Variants in SIGLEC15 observed in about 807,000 individuals in gnomAD.
SIGLEC15 encodes sialic acid binding Ig like lectin 15.
Under a neutral mutation model 26.2 loss-of-function variants are expected in SIGLEC15, and 31 were observed. The observed-to-expected ratio is 1.18, with a 90% CI of 0.89 to 1.60. SIGLEC15 has a LOEUF of 1.60. Among genes scored for constraint, SIGLEC15 ranks in the 40% most tolerant of loss-of-function variants. SIGLEC15 has a pLI of 0.00. For synonymous variants in SIGLEC15, 207 were observed against 221.9 expected (o/e 0.93, Z 0.60); for missense variants, 501 against 488.4 (o/e 1.03, Z -0.24).
chr18:45,839,211 A>G lies in SIGLEC15; in HGVS notation c.874+116A>G, dbSNP rs2048304267. 12 of 1,287,432 alleles carry G rather than the reference A, an allele frequency of 9.3e-6. No homozygotes were observed. The East Asian group carries it at 2.9e-4, about 31-fold the overall frequency. 79.8% of individuals were successfully genotyped at this position (1,287,432 alleles called of 1,614,324 possible). On this transcript the variant is annotated intron_variant, in intron 4 of 5. Transcript: ENST00000389474. The stretch of plus-strand genomic sequence containing the variant: ...GCCAGAATGTCGGTTTTTTTGCCCT[A>G]TGCATCGTGGCGCTTTCCTCTCTTT...
Position 45,842,989 on chromosome 18 carries a change from T to G in SIGLEC15, c.*802T>G, listed in dbSNP as rs1460070760. On this transcript the variant is annotated 3_prime_UTR_variant, in exon 6 of 6. Coordinates refer to ENST00000389474, the MANE Select transcript of SIGLEC15 (RefSeq NM_213602.3). ...CCCATGCCCCCTGGGATCTCCACTG[T>G]GACTGTCCCACACCCTCTGCCCAAC... 1 of 152,316 alleles carries G rather than the reference T, an allele frequency of 6.6e-6. No homozygotes were observed. The highest frequency in any genetic ancestry group is 1.5e-5 in the Non-Finnish European group (1 of 68,134). The allele number at this position is 152,316 out of a possible 1,614,324, so 9.4% of individuals were successfully genotyped here. A position where few individuals can be genotyped will look rare whatever the true frequency, so the allele number is the denominator to read the frequency against.
Position 45,837,750 on chromosome 18 carries a change from T to G in SIGLEC15, c.350T>G (p.Leu117Arg), listed in dbSNP as rs1225324111. 1 of 1,515,972 alleles carries G rather than the reference T, an allele frequency of 6.6e-7. No homozygotes were observed. Among genetic ancestry groups the G allele is most frequent in the East Asian group, 2.7e-5 (1 of 37,036 alleles). The allele number at this position is 1,515,972 out of a possible 1,614,324, so 93.9% of individuals were successfully genotyped here. The change falls in exon 3 of 6, where the codon CTG becomes CGG. Residue 117 changes from leucine (L) to arginine (R), a missense_variant. Coordinates refer to ENST00000389474, the MANE Select transcript of SIGLEC15 (RefSeq NM_213602.3). ...ALSLHGRFRL[L>R]GNPRRNDLSL... ...AGCCTGCACGGCCGCTTCCGGCTGC[T>G]GGGCAACCCGCGCCGCAACGACCTC... is the stretch of plus-strand genomic sequence containing the variant.
At position 45,840,500 on chromosome 18, in the gene SIGLEC15, C is replaced by T. The variant is rs191761840; in HGVS notation, c.905+259C>T. Reference sequence around the variant, plus strand: ...GTGTTTCTTCCTGTAGTTTCCCCTCCACATTCTTGAACAGGCAGATTCATA... The same window carrying T: ...GTGTTTCTTCCTGTAGTTTCCCCTCTACATTCTTGAACAGGCAGATTCATA... On this transcript the variant is annotated intron_variant, in intron 5 of 5. Coordinates refer to ENST00000389474, the MANE Select transcript of SIGLEC15 (RefSeq NM_213602.3). Among the ~76,000 whole-genome samples, 233 of 152,322 alleles carry T rather than the reference C, an allele frequency of 1.5e-3. 1 individual carries two copies. Among genetic ancestry groups the T allele is most frequent in the African/African-American group, 5.3e-3 (219 of 41,560 alleles).
Position 45,839,056 on chromosome 18 carries a change from C to A in SIGLEC15, c.835C>A (p.Leu279Ile). The A allele has an allele frequency of 2.0e-6, 3 of 1,512,812 alleles. No individual in the cohort carries two copies. Among genetic ancestry groups the A allele is most frequent in the Non-Finnish European group, 2.6e-6 (3 of 1,141,068 alleles). 93.7% of individuals were successfully genotyped at this position (1,512,812 alleles called of 1,614,324 possible). A position where few individuals can be genotyped will look rare whatever the true frequency, so the allele number is the denominator to read the frequency against. The part of the protein sequence containing the change: ...GALGFKALLL[L>I]GVLAARAARR... Reference sequence around the variant, plus strand: ...TCTCGGCTTCAAGGCGCTGCTGCTGCTCGGGGTCCTGGCCGCCCGCGCTGC... The same window carrying A: ...TCTCGGCTTCAAGGCGCTGCTGCTGATCGGGGTCCTGGCCGCCCGCGCTGC... Residue 279 changes from leucine to isoleucine, a missense_variant, in exon 4 of 6, where the codon CTC (leucine) becomes ATC (isoleucine). Coordinates refer to ENST00000389474, the MANE Select transcript of SIGLEC15 (RefSeq NM_213602.3).
intron 1 of SIGLEC15, among the ~76,000 whole-genome samples, chr18:45,829,516 C>T (rs1289390596): frequency 6.6e-6 from 1 of 152,204 alleles, no homozygotes; most frequent in Non-Finnish European, 1.5e-5. Flanking sequence ...TCAGCTCCAC[C>T]CACATACCTA....
rs1217842175 is a variant in SIGLEC15 at position 45,825,676 on chromosome 18, C to A, written c.-53C>A. Reference sequence around the variant, plus strand: ...CCCACCACGCCTGGGAGGGCCCTCACTGGGGAGGTGGCCGAGAGCGGGTCT... The same window carrying A: ...CCCACCACGCCTGGGAGGGCCCTCAATGGGGAGGTGGCCGAGAGCGGGTCT... On this transcript the variant is annotated 5_prime_UTR_variant, in exon 1 of 6. In the 5' UTR this introduces an upstream ATG that the reference lacks. Coordinates refer to ENST00000389474, the MANE Select transcript of SIGLEC15 (RefSeq NM_213602.3). 1.7e-5 allele frequency: 27 copies of A among 1,601,200 alleles called. No individual in the cohort carries two copies. The highest frequency in any genetic ancestry group is 2.2e-5 in the Non-Finnish European group (26 of 1,169,196).
Position 45,842,978 on chromosome 18 carries a change from G to T in SIGLEC15, c.*791G>T, listed in dbSNP as rs2048337862. 6.6e-6 allele frequency: 1 copy of T among 152,354 alleles called. No homozygotes were observed. Among genetic ancestry groups the T allele is most frequent in the Non-Finnish European group, 1.5e-5 (1 of 68,156 alleles). The allele number at this position is 152,354 out of a possible 1,614,324, so 9.4% of individuals were successfully genotyped here. A position where few individuals can be genotyped will look rare whatever the true frequency, so the allele number is the denominator to read the frequency against. Reference sequence around the variant, plus strand: ...GGGGCCTTTACCCCATGCCCCCTGGGATCTCCACTGTGACTGTCCCACACC... The same window carrying T: ...GGGGCCTTTACCCCATGCCCCCTGGTATCTCCACTGTGACTGTCCCACACC... On this transcript the variant is annotated 3_prime_UTR_variant, in exon 6 of 6. Transcript: ENST00000389474.
intron 1 of SIGLEC15, among the ~76,000 whole-genome samples, chr18:45,836,040 A>C (rs2048273648): frequency 6.6e-6 from 1 of 152,228 alleles, no homozygotes; most frequent in Non-Finnish European, 1.5e-5. Context: ...GGTTCTGTGC[A>C]GAAGGAATGT....
At chr18:45,827,365 C>T (rs547351479) in intron 1 of SIGLEC15, among the ~76,000 whole-genome samples, 1 of 152,284 alleles carries the variant, frequency 6.6e-6, no homozygotes, top group South Asian at 2.1e-4. Context: ...CCCCACCCCA[C>T]ACAGCCATGG....
chr18:45,836,750 C>T (rs563904274), intron 1 of SIGLEC15, among the ~76,000 whole-genome samples: 1 of 152,234 alleles, frequency 6.6e-6, no homozygotes, highest in Non-Finnish European at 1.5e-5. Flanking sequence ...CTTGGGTATA[C>T]CTGAATTCTA....
intron 1 of SIGLEC15, among the ~76,000 whole-genome samples, chr18:45,826,779 C>T (rs1052291173): frequency 1.4e-4 from 21 of 152,196 alleles, no homozygotes; most frequent in Admixed American, 9.2e-4. Context: ...TCCCATCTGG[C>T]GTGTACTCAG....
chr18:45,828,582 G>A (rs2048205674), intron 1 of SIGLEC15, among the ~76,000 whole-genome samples: 1 of 152,156 alleles, frequency 6.6e-6, no homozygotes, highest in Admixed American at 6.5e-5. Flanking sequence ...AACCCCTTGT[G>A]CCAGGCCTGT....
chr18:45,837,169 G>A (rs1292680926), intron 2 of SIGLEC15, 81 bp downstream of exon 2: 3 of 1,575,730 alleles, frequency 1.9e-6, no homozygotes, highest in Non-Finnish European at 2.6e-6. Context: ...TTTTCCACAG[G>A]GCAGGTTTTG....
Position 45,837,757 on chromosome 18 carries a change from C to T in SIGLEC15, c.357C>T (p.Asn119=). 1 of 1,519,210 alleles carries T rather than the reference C, an allele frequency of 6.6e-7. No homozygotes were observed. The highest frequency in any genetic ancestry group is 8.8e-7 in the Non-Finnish European group (1 of 1,142,108). 94.1% of individuals were successfully genotyped at this position (1,519,210 alleles called of 1,614,324 possible). The change falls in exon 3 of 6, where the codon AAC becomes AAT. Residue 119 remains asparagine, a synonymous_variant. Transcript: ENST00000389474. ...SLHGRFRLLG[N]PRRNDLSLRV... is the part of the protein sequence containing the mutation. ...ACGGCCGCTTCCGGCTGCTGGGCAA[C>T]CCGCGCCGCAACGACCTCTCGCTGC...
intron 4 of SIGLEC15, among the ~76,000 whole-genome samples, chr18:45,839,906 T>C (rs2048310585): frequency 6.6e-6 from 1 of 152,134 alleles, no homozygotes; most frequent in African/African-American, 2.4e-5. Context: ...TTTGTCACAG[T>C]GGCCCTGGCT....
intron 4 of SIGLEC15, 142 bp from the exon 5 acceptor site, chr18:45,840,069 T>G (rs1048764207): frequency 3.5e-6 from 3 of 851,558 alleles, no homozygotes; most frequent in Non-Finnish European, 5.5e-6. Context: ...ATGGCACAGC[T>G]TCACACCCTG....
rs2048336083 is a variant in SIGLEC15 at position 45,842,733 on chromosome 18, G to A, written c.*546G>A. ...TCTGAGGAAATAATGGATATGAAGG[G>A]GCTTTGGAAAGTACAAAGCCATCTT... On this transcript the variant is annotated 3_prime_UTR_variant, in exon 6 of 6. Coordinates refer to ENST00000389474, the MANE Select transcript of SIGLEC15 (RefSeq NM_213602.3). The A allele has an allele frequency of 1.3e-5, 2 of 155,964 alleles. No homozygotes were observed. Among genetic ancestry groups the A allele is most frequent in the Non-Finnish European group, 1.4e-5 (1 of 70,326 alleles). The allele number at this position is 155,964 out of a possible 1,614,324, so 9.7% of individuals were successfully genotyped here. A position where few individuals can be genotyped will look rare whatever the true frequency, so the allele number is the denominator to read the frequency against.
At chr18:45,829,230 T>G in intron 1 of SIGLEC15, 1 of 883,916 alleles carries the variant, frequency 1.1e-6, no homozygotes, top group Non-Finnish European at 1.4e-6. Context: ...GGCAGAGGCA[T>G]GGGTTAAAGG....
intron 4 of SIGLEC15, among the ~76,000 whole-genome samples, chr18:45,839,727 G>A (rs1410002682): frequency 6.6e-6 from 1 of 152,194 alleles, no homozygotes; most frequent in Non-Finnish European, 1.5e-5. Context: ...GCTCTTCCTA[G>A]CAGAGATCAT....
Sources: allele counts gnomAD v4.1 joint callset (sites outside exome capture counted in the v4.1 genomes callset), GRCh38; gene constraint gnomAD v4.1.1; transcripts MANE v1.5; gene names NCBI Gene and HGNC (gene_info 2026-07-23, HGNC 2026-07-21).